SLIT3: variants seen among roughly 807,000 people sequenced by gnomAD.
The protein encoded by SLIT3 is slit guidance ligand 3.
Under a neutral mutation model 184.0 loss-of-function variants are expected in SLIT3, and 68 were observed. The ratio of observed to expected loss-of-function variants is 0.37; its 90% CI spans 0.30 to 0.45. SLIT3 has a LOEUF of 0.45. SLIT3 is among the 20% of genes least tolerant of loss of function. The pLI, the probability that SLIT3 is intolerant of heterozygous loss-of-function variation, is 1.00. For missense variants in SLIT3, 1,707 were observed against 2,026.0 expected, an observed-to-expected ratio of 0.84 and a Z score of 3.02; for synonymous variants, 831 against 828.6, an observed-to-expected ratio of 1.00 and a Z score of -0.05.
chr5:169,017,813 G>A (rs1248259793), intron 4 of SLIT3: 1 of 152,206 alleles, frequency 6.6e-6, no homozygotes, highest in Non-Finnish European at 1.5e-5. Flanking sequence ...CATCTCCTAA[G>A]TCTTCTTTGG....
chr5:169,290,594 G>GGC (rs1767326534), intron 1 of SLIT3, among the ~76,000 whole-genome samples: 1 of 151,164 alleles, frequency 6.6e-6, no homozygotes, highest in African/African-American at 2.4e-5. Context: ...CACATGCTAG[G>GGC]ACATACACTA....
chr5:168,758,252 A>T (rs1454436860), intron 16 of SLIT3, among the ~76,000 whole-genome samples: 1 of 152,192 alleles, frequency 6.6e-6, no homozygotes, highest in Non-Finnish European at 1.5e-5. Flanking sequence ...GGGCATACAG[A>T]AATATTCTCT....
chr5:169,060,302 G>C (rs1197504528), intron 4 of SLIT3, among the ~76,000 whole-genome samples: 1 of 152,180 alleles, frequency 6.6e-6, no homozygotes, highest in Non-Finnish European at 1.5e-5. Context: ...TGAGGCAGGA[G>C]AATCACTTGA....
At chr5:168,847,546 T>C (rs949456427) in intron 5 of SLIT3, among the ~76,000 whole-genome samples, 1 of 152,200 alleles carries the variant, frequency 6.6e-6, no homozygotes, top group African/African-American at 2.4e-5. Context: ...CAATTAATTG[T>C]CCATGAGCAT....
At chr5:169,129,322 G>C (rs1467586680) in intron 4 of SLIT3, among the ~76,000 whole-genome samples, 1 of 152,068 alleles carries the variant, frequency 6.6e-6, no homozygotes, top group African/African-American at 2.4e-5. Context: ...GAGGCCAAGT[G>C]GGGAGGATCA....
intron 6 of SLIT3, among the ~76,000 whole-genome samples, chr5:168,837,843 A>G (rs577298335): frequency 6.6e-6 from 1 of 152,340 alleles, no homozygotes; most frequent in Admixed American, 6.5e-5. Context: ...TGGGAATTAC[A>G]GTTTCCATTT....
chr5:169,067,463 T>C (rs2113114380), intron 4 of SLIT3, among the ~76,000 whole-genome samples: 1 of 152,130 alleles, frequency 6.6e-6, no homozygotes, highest in South Asian at 2.1e-4. Flanking sequence ...ACATAGGCAG[T>C]GTGGTTCCTG....
chr5:169,137,298 A>G (rs1342977380), intron 4 of SLIT3, among the ~76,000 whole-genome samples: 2 of 132,850 alleles, frequency 1.5e-5, no homozygotes. Flanking sequence ...TTCTCTTTCT[A>G]TCTACATACA....
chr5:169,055,948 T>C (rs753700342), intron 4 of SLIT3, among the ~76,000 whole-genome samples: 27 of 152,246 alleles, frequency 1.8e-4, no homozygotes, highest in Middle Eastern at 6.8e-3. Context: ...CTACATACAA[T>C]GGTAAACCAG....
intron 1 of SLIT3, among the ~76,000 whole-genome samples, chr5:169,266,588 C>A (rs1766404291): frequency 6.6e-6 from 1 of 152,166 alleles, no homozygotes; most frequent in Admixed American, 6.5e-5. Context: ...CAATATGGAT[C>A]ATAAGCCACC....
intron 4 of SLIT3, among the ~76,000 whole-genome samples, chr5:169,189,478 A>G (rs913199855): frequency 2.8e-5 from 4 of 142,944 alleles, no homozygotes; most frequent in Non-Finnish European, 4.6e-5. Context: ...GGTTAAGTCT[A>G]AGCATTGAGG....
At chr5:169,147,857 C>T (rs75242911) in intron 4 of SLIT3, among the ~76,000 whole-genome samples, 4,468 of 152,208 alleles carry the variant, frequency 0.029, 223 homozygotes, top group African/African-American at 0.1. Context: ...TCTCTCAGTA[C>T]CCCACCTACT....
chr5:168,858,643 G>A lies in SLIT3; in HGVS notation c.486-13988C>T, dbSNP rs146757824. On this transcript the variant is annotated intron_variant, in intron 5 of 35. Coordinates refer to ENST00000519560, the MANE Select transcript of SLIT3 (RefSeq NM_003062.4). ...TTTCTGAGCTCCCTCAGCTGCTCCT[G>A]GCCCTCCTGGCCCTTGGAAGCCTGT... Among the ~76,000 whole-genome samples the A allele has an allele frequency of 3.2e-3, 490 of 152,328 alleles. 4 individuals are homozygous for A. The highest frequency in any genetic ancestry group is 0.01 in the African/African-American group (436 of 41,576).
At chr5:169,151,382 T>TG (rs372907339) in intron 4 of SLIT3, among the ~76,000 whole-genome samples, 7 of 152,178 alleles carry the variant, frequency 4.6e-5, no homozygotes, top group African/African-American at 1.7e-4. Context: ...ATAGTACCAC[T>TG]GCGACTGGGT....
At chr5:169,204,855 G>A (rs962106981) in intron 3 of SLIT3, among the ~76,000 whole-genome samples, 8 of 152,208 alleles carry the variant, frequency 5.3e-5, no homozygotes, top group Non-Finnish European at 8.8e-5. Context: ...GAGGGTTGCC[G>A]GGCGGCAGCC....
intron 12 of SLIT3, among the ~76,000 whole-genome samples, chr5:168,777,908 C>G (rs903989925): frequency 6.6e-6 from 1 of 152,190 alleles, no homozygotes; most frequent in Admixed American, 6.5e-5. Context: ...TCTTAGCTAT[C>G]TGGTACATGG....
intron 3 of SLIT3, among the ~76,000 whole-genome samples, chr5:169,238,054 C>G (rs1367108389): frequency 6.6e-6 from 1 of 152,158 alleles, no homozygotes; most frequent in Non-Finnish European, 1.5e-5. Flanking sequence ...GCTCGCTATT[C>G]TGTCCCGTTG....
intron 8 of SLIT3, among the ~76,000 whole-genome samples, chr5:168,814,393 TCAAG>T (rs1334060272): frequency 2.3e-5 from 3 of 131,780 alleles, no homozygotes; most frequent in Non-Finnish European, 4.7e-5. Flanking sequence ...TGAAACTGTC[TCAAG>T]CAAACAAACA....
At chr5:169,055,370 C>A (rs1757958224) in intron 4 of SLIT3, among the ~76,000 whole-genome samples, 1 of 152,162 alleles carries the variant, frequency 6.6e-6, no homozygotes, top group Non-Finnish European at 1.5e-5. Flanking sequence ...TAGGAAAGGC[C>A]TCTCTGGGAG....
Sources: allele counts gnomAD v4.1 joint callset (sites outside exome capture counted in the v4.1 genomes callset), GRCh38; gene constraint gnomAD v4.1.1; transcripts MANE v1.5; gene names NCBI Gene and HGNC (gene_info 2026-07-23, HGNC 2026-07-21).